The following PHYHIPL variants were observed in gnomAD, a reference collection of about 807,000 sequenced individuals.
The protein encoded by PHYHIPL is phytanoyl-CoA hydroxylase-interacting protein-like.
Under a neutral mutation model 33.4 loss-of-function variants are expected in PHYHIPL, and 9 were observed. That is an observed-to-expected ratio of 0.27 (90% confidence interval 0.16 to 0.47). The LOEUF is 0.47. Among genes scored for constraint, PHYHIPL ranks in the 20% least tolerant of loss-of-function variants. PHYHIPL has a pLI of 0.99. For synonymous variants in PHYHIPL, 153 were observed against 154.1 expected, an observed-to-expected ratio of 0.99 and a Z score of 0.05; for missense variants, 365 against 460.7, an observed-to-expected ratio of 0.79 and a Z score of 1.90.
upstream of PHYHIPL, among the ~76,000 whole-genome samples, chr10:59,173,940 T>G (rs1175330337): frequency 2.4e-3 from 261 of 107,024 alleles, 1 homozygote; most frequent in Admixed American, 8.2e-3. Context: ...TTTTTTTTTT[T>G]TTTTTTTTTT....
chr10:59,174,861 C>A (rs1838224039), upstream of PHYHIPL, among the ~76,000 whole-genome samples: 1 of 152,236 alleles, frequency 6.6e-6, no homozygotes, highest in African/African-American at 2.4e-5. Context: ...CAATATATAT[C>A]TTTCTTGATA....
chr10:59,245,057 A>C lies in PHYHIPL; in HGVS notation c.597A>C (p.Arg199=), dbSNP rs148930941. ...AGTGACCACTTGTTTTCTCTTGCAG[A>C]GAACATCATGGGAATGCTATGCAGC... The part of the protein sequence containing the change: ...NQHKEYFDYV[R]EHHGNAMQPS... Residue 199 remains arginine (R), a splice_region_variant and synonymous_variant, in exon 5 of 5, where the codon CGA becomes CGC. Transcript: ENST00000373880. 1,405 of 1,601,324 alleles carry C rather than the reference A, an allele frequency of 8.8e-4. 17 individuals carry two copies. The highest frequency in any genetic ancestry group is 8.4e-4 in the Middle Eastern group (5 of 5,976).
At chr10:59,240,623 C>T (rs951263956) in intron 4 of PHYHIPL, among the ~76,000 whole-genome samples, 2 of 152,004 alleles carry the variant, frequency 1.3e-5, no homozygotes, top group African/African-American at 4.8e-5. Context: ...CAGGGACTGT[C>T]TGTATTTGTT....
rs532384620 is a variant in PHYHIPL, at chr10:59,218,747, G to C, written c.107-15557G>C. On this transcript the variant is annotated intron_variant, in intron 1 of 4. Coordinates refer to ENST00000373880, the MANE Select transcript of PHYHIPL (RefSeq NM_032439.4). ...AAGAATACATAATTATAAATATTGA[G>C]TGATCTTGGTCTGATATAGTTTGAG... Among the ~76,000 whole-genome samples the C allele has an allele frequency of 8.5e-5, 11 of 129,448 alleles. 1 individual carries two copies. The highest frequency in any genetic ancestry group is 1.5e-4 in the Non-Finnish European group (8 of 54,092). The allele number at this position is 129,448 out of a possible 152,430, so 84.9% of individuals were successfully genotyped here. A position where few individuals can be genotyped will look rare whatever the true frequency, so the allele number is the denominator to read the frequency against.
chr10:59,217,345 T>TA (rs1839646492), intron 1 of PHYHIPL, among the ~76,000 whole-genome samples: 1 of 152,066 alleles, frequency 6.6e-6, no homozygotes, highest in African/African-American at 2.4e-5. Context: ...CTCTAGTGTT[T>TA]AAAAGCATAT....
At chr10:59,225,604 T>C (rs972584009) in intron 1 of PHYHIPL, among the ~76,000 whole-genome samples, 3 of 152,180 alleles carry the variant, frequency 2.0e-5, no homozygotes, top group Non-Finnish European at 2.9e-5. Context: ...AGAATACTGG[T>C]AGTAGAAAGC....
At chr10:59,180,314 G>GTATGTGTGTATATATATATATA (rs1491252242) in intron 1 of PHYHIPL, among the ~76,000 whole-genome samples, 1 of 86,170 alleles carries the variant, frequency 1.2e-5, no homozygotes, top group African/African-American at 5.2e-5. Flanking sequence ...TATAGAAAAA[G>GTATGTGTGTATATATATATATA]TATATATATA....
At chr10:59,210,963 A>T (rs1839423327) in intron 1 of PHYHIPL, among the ~76,000 whole-genome samples, 1 of 152,096 alleles carries the variant, frequency 6.6e-6, no homozygotes, top group Admixed American at 6.5e-5. Context: ...ATTAGGAGAA[A>T]TTCCTAATGT....
chr10:59,189,408 T>G (rs577531250), intron 1 of PHYHIPL, among the ~76,000 whole-genome samples: 1 of 152,240 alleles, frequency 6.6e-6, no homozygotes, highest in East Asian at 1.9e-4. Context: ...GACTATTGCT[T>G]GTGGGTAGAC....
At chr10:59,231,256 A>G (rs1018917125) in intron 1 of PHYHIPL, among the ~76,000 whole-genome samples, 1 of 152,164 alleles carries the variant, frequency 6.6e-6, no homozygotes, top group African/African-American at 2.4e-5. Flanking sequence ...ATATTAGTAA[A>G]TGTAGACAGG....
intron 1 of PHYHIPL, among the ~76,000 whole-genome samples, chr10:59,190,089 A>G (rs552786031): frequency 1.5e-4 from 23 of 151,996 alleles, no homozygotes; most frequent in Non-Finnish European, 2.7e-4. Context: ...TTATTGTGTA[A>G]TTGTACTATA....
chr10:59,185,682 T>C (rs988127271), intron 1 of PHYHIPL, among the ~76,000 whole-genome samples: 3 of 152,216 alleles, frequency 2.0e-5, no homozygotes, highest in African/African-American at 4.8e-5. Flanking sequence ...TGGTATCTCA[T>C]TGTGGTTTTG....
At chr10:59,173,819 G>A (rs1450813895), upstream of PHYHIPL, among the ~76,000 whole-genome samples, 5 of 150,910 alleles carry the variant, frequency 3.3e-5, no homozygotes, top group South Asian at 2.1e-4. Flanking sequence ...TATAACCCAC[G>A]TTGGGGAACA....
At position 59,192,534 on chromosome 10, in the gene PHYHIPL, T is replaced by C. The variant is rs148112231; in HGVS notation, c.106+15575T>C. On this transcript the variant is annotated intron_variant, in intron 1 of 4. Coordinates refer to ENST00000373880, the MANE Select transcript of PHYHIPL (RefSeq NM_032439.4). ...GAATTTCTTAGGTGGGGAAGAGATA[T>C]TGGATATTTGTTGTTTAGATACAGT... Among the ~76,000 whole-genome samples the C allele has an allele frequency of 3.9e-4, 60 of 152,208 alleles. No homozygotes were observed. The East Asian group carries it at 7.7e-3, about 20-fold the overall frequency.
At chr10:59,197,071 G>T (rs1838942644) in intron 1 of PHYHIPL, among the ~76,000 whole-genome samples, 1 of 152,158 alleles carries the variant, frequency 6.6e-6, no homozygotes, top group East Asian at 1.9e-4. Context: ...GAAGCATGTT[G>T]CTATTCACTG....
In PHYHIPL at chr10:59,231,123, A is replaced by G. The variant is rs570377754; in HGVS notation, c.107-3181A>G. On this transcript the variant is annotated intron_variant, in intron 1 of 4. Transcript: ENST00000373880. The stretch of plus-strand genomic sequence containing the variant: ...AAAAAAACAATTTTTTTTCCTAAAT[A>G]CTTAAAGAAATGAGAGGAAAAGTAA... Among the ~76,000 whole-genome samples the G allele has an allele frequency of 2.2e-3, 336 of 152,204 alleles. 1 individual carries two copies. Among genetic ancestry groups the G allele is most frequent in the Non-Finnish European group, 4.3e-3 (293 of 67,994 alleles).
intron 1 of PHYHIPL, among the ~76,000 whole-genome samples, chr10:59,179,842 TAC>T (rs147836305): frequency 0.11 from 14,320 of 134,582 alleles, 694 homozygotes; most frequent in East Asian, 0.13. Flanking sequence ...GCAAGACAGT[TAC>T]ACACACACAC....
At chr10:59,235,961 T>C (rs2133288883) in intron 2 of PHYHIPL, among the ~76,000 whole-genome samples, 1 of 152,054 alleles carries the variant, frequency 6.6e-6, no homozygotes, top group South Asian at 2.1e-4. Flanking sequence ...GTAGTATAAG[T>C]TAACCAAATA....
At chr10:59,195,291 A>G (rs2133206261) in intron 1 of PHYHIPL, among the ~76,000 whole-genome samples, 1 of 152,334 alleles carries the variant, frequency 6.6e-6, no homozygotes, top group South Asian at 2.1e-4. Flanking sequence ...CCACATAACA[A>G]AAGACTAACA....
Sources: gnomAD v4.1 joint callset for allele counts (sites outside exome capture counted in the v4.1 genomes callset) on GRCh38, gnomAD v4.1.1 for gene constraint, MANE v1.5 for transcripts, NCBI Gene and HGNC (gene_info 2026-07-23, HGNC 2026-07-21) for gene names.